The following LHFPL3 variants were observed in gnomAD, a reference collection of about 807,000 sequenced individuals.
LHFPL3 encodes LHFPL tetraspan subfamily member 3.
LHFPL3 carries 5 observed loss-of-function variants against 19.3 expected under a neutral mutation model. That is an observed-to-expected ratio of 0.26 (90% CI 0.14 to 0.54). LHFPL3 has a LOEUF of 0.54. LHFPL3 is among the 20% of genes least tolerant of loss of function. LHFPL3 has a pLI of 0.94. For missense variants in LHFPL3, 249 were observed against 307.4 expected (o/e 0.81, Z 1.42); for synonymous variants, 133 against 126.2 (o/e 1.05, Z -0.36).
rs777822432 is a variant in LHFPL3, at chr7:104,565,741, A to G, written c.446-170934A>G. Among the ~76,000 whole-genome samples the G allele has an allele frequency of 9.3e-4, 137 of 146,908 alleles. 1 individual carries two copies. The highest frequency in any genetic ancestry group is 1.7e-3 in the Non-Finnish European group (117 of 67,736). ...TGTCTGTCTATCTATCTATCTATCT[A>G]TCTATCTATCTATCTATCTATCTAT... is the stretch of plus-strand genomic sequence containing the variant. On this transcript the variant is annotated intron_variant, in intron 1 of 2. Coordinates refer to ENST00000424859, the MANE Select transcript of LHFPL3 (RefSeq NM_199000.3).
rs1792164035 is a variant in LHFPL3, at chr7:104,438,858, G to T, written c.445+109634G>T. Among the ~76,000 whole-genome samples the T allele has an allele frequency of 4.6e-5, 7 of 151,966 alleles. No homozygotes were observed. In the South Asian group the frequency reaches 1.5e-3, roughly 32 times the overall value. ...ATTGTTAAATCTCTATCAAAACTGT[G>T]CAAGAAAAACAGACAATATATACTA... is the stretch of plus-strand genomic sequence containing the variant. On this transcript the variant is annotated intron_variant, in intron 1 of 2. Coordinates refer to ENST00000424859, the MANE Select transcript of LHFPL3 (RefSeq NM_199000.3).
chr7:104,755,537 G>GTC (rs1311576954), intron 2 of LHFPL3, among the ~76,000 whole-genome samples: 1 of 151,596 alleles, frequency 6.6e-6, no homozygotes, highest in Non-Finnish European at 1.5e-5. Flanking sequence ...CTGTCTGTCT[G>GTC]TCTCTCTCTC....
intron 1 of LHFPL3, among the ~76,000 whole-genome samples, chr7:104,569,375 T>G (rs950758372): frequency 9.9e-5 from 15 of 152,208 alleles, no homozygotes; most frequent in Non-Finnish European, 2.2e-4. Context: ...ATGAATGACA[T>G]TTGACCTGCA....
chr7:104,807,782 C>T (rs1324676643), intron 2 of LHFPL3, among the ~76,000 whole-genome samples: 2 of 152,254 alleles, frequency 1.3e-5, no homozygotes, highest in African/African-American at 4.8e-5. Context: ...CAAGATGTGT[C>T]TTTTCTATCT....
At chr7:104,580,359 A>T (rs1182164092) in intron 1 of LHFPL3, among the ~76,000 whole-genome samples, 1 of 152,126 alleles carries the variant, frequency 6.6e-6, no homozygotes, top group African/African-American at 2.4e-5. Flanking sequence ...ATGCAAGAAA[A>T]GTTTAAAGAA....
At chr7:104,429,755 T>A (rs1791919643) in intron 1 of LHFPL3, among the ~76,000 whole-genome samples, 2 of 152,148 alleles carry the variant, frequency 1.3e-5, no homozygotes, top group Admixed American at 1.3e-4. Context: ...AACAGAGTTG[T>A]TTTGAAGTTT....
intron 1 of LHFPL3, among the ~76,000 whole-genome samples, chr7:104,620,860 G>A (rs1562951927): frequency 1.3e-5 from 2 of 152,192 alleles, no homozygotes; most frequent in African/African-American, 4.8e-5. Context: ...GCAGACAAAG[G>A]TGTCATGACT....
At chr7:104,681,675 A>G (rs1584478024) in intron 1 of LHFPL3, among the ~76,000 whole-genome samples, 1 of 152,148 alleles carries the variant, frequency 6.6e-6, no homozygotes, top group South Asian at 2.1e-4. Context: ...ATCAAATTTA[A>G]TCCCCCAGGG....
At chr7:104,463,376 C>T (rs1792714338) in intron 1 of LHFPL3, among the ~76,000 whole-genome samples, 1 of 152,138 alleles carries the variant, frequency 6.6e-6, no homozygotes, top group South Asian at 2.1e-4. Flanking sequence ...GTGGTTAGTG[C>T]TACAAATTTC....
At chr7:104,380,254 TTAATAAA>T (rs1298970802) in intron 1 of LHFPL3, among the ~76,000 whole-genome samples, 1 of 152,176 alleles carries the variant, frequency 6.6e-6, no homozygotes, top group Non-Finnish European at 1.5e-5. Flanking sequence ...CACACAGTAC[TTAATAAA>T]TAATAATTTC....
chr7:104,570,928 A>G (rs915925468), intron 1 of LHFPL3, among the ~76,000 whole-genome samples: 1 of 152,178 alleles, frequency 6.6e-6, no homozygotes, highest in Non-Finnish European at 1.5e-5. Context: ...CCCATCTAAT[A>G]ATCATTCTGG....
At chr7:104,872,764 A>G (rs1362058244) in intron 2 of LHFPL3, among the ~76,000 whole-genome samples, 1 of 152,188 alleles carries the variant, frequency 6.6e-6, no homozygotes, top group Non-Finnish European at 1.5e-5. Flanking sequence ...GTCATCTTCT[A>G]TGATAACCAT....
intron 1 of LHFPL3, among the ~76,000 whole-genome samples, chr7:104,545,430 A>G (rs2193211): frequency 0.069 from 10,450 of 152,148 alleles, 434 homozygotes; most frequent in East Asian, 0.13. Context: ...GAAATATCCA[A>G]ATTTATTACC....
At chr7:104,329,671 T>G (rs931255555) in intron 1 of LHFPL3, among the ~76,000 whole-genome samples, 1 of 152,072 alleles carries the variant, frequency 6.6e-6, no homozygotes, top group African/African-American at 2.4e-5. Flanking sequence ...CCCTCGCTGC[T>G]GGGACTATTT....
At chr7:104,515,763 T>A (rs577123542) in intron 1 of LHFPL3, among the ~76,000 whole-genome samples, 3 of 152,228 alleles carry the variant, frequency 2.0e-5, no homozygotes, top group Non-Finnish European at 4.4e-5. Flanking sequence ...ACTTTCAGAG[T>A]TGGGTCTGTA....
chr7:104,584,006 C>T (rs1790513436), intron 1 of LHFPL3, among the ~76,000 whole-genome samples: 1 of 152,110 alleles, frequency 6.6e-6, no homozygotes, highest in Non-Finnish European at 1.5e-5. Context: ...GACACATGAA[C>T]ATGTATGTTT....
intron 1 of LHFPL3, among the ~76,000 whole-genome samples, chr7:104,400,154 A>G (rs1253058571): frequency 1.5e-5 from 2 of 136,404 alleles, no homozygotes; most frequent in Non-Finnish European, 3.1e-5. Context: ...AAAAGACTCT[A>G]CAGGAGAGCT....
chr7:104,489,276 G>A (rs1584354890), intron 1 of LHFPL3, among the ~76,000 whole-genome samples: 1 of 122,428 alleles, frequency 8.2e-6, no homozygotes, highest in Non-Finnish European at 1.9e-5. Flanking sequence ...TAGAGACGGG[G>A]TTTCACCGTT....
At chr7:104,482,547 T>C (rs1379240238) in intron 1 of LHFPL3, among the ~76,000 whole-genome samples, 4 of 152,260 alleles carry the variant, frequency 2.6e-5, no homozygotes, top group Non-Finnish European at 5.9e-5. Flanking sequence ...TATGTGTTTA[T>C]ACTGTCTGTG....
Sources: allele counts gnomAD v4.1 joint callset (sites outside exome capture counted in the v4.1 genomes callset), GRCh38; gene constraint gnomAD v4.1.1; transcripts MANE v1.5; gene names NCBI Gene and HGNC (gene_info 2026-07-23, HGNC 2026-07-21).